The following RC3H2 variants were observed in gnomAD, a reference collection of about 807,000 sequenced individuals.
The protein encoded by RC3H2 is ring finger and CCCH-type domains 2.
In RC3H2, 31 loss-of-function variants were observed where a neutral mutation model predicts 133.3. That is an observed-to-expected ratio of 0.23 (90% CI 0.17 to 0.31). RC3H2 has a LOEUF of 0.31. Among genes scored for constraint, RC3H2 ranks in the 10% least tolerant of loss-of-function variants. RC3H2 has a pLI of 1.00. For synonymous variants in RC3H2, 517 were observed against 502.2 expected, an observed-to-expected ratio of 1.03 and a Z score of -0.40; for missense variants, 1,175 against 1,437.2, an observed-to-expected ratio of 0.82 and a Z score of 2.95.
Position 122,883,738 on chromosome 9 carries a change from T to C in RC3H2, c.584-359A>G, listed in dbSNP as rs534118598. ...GTTCATGCCTGTAAATCCCAGCACG[T>C]TGAGAGGCCGAGGCAGGACGACTGT... On this transcript the variant is annotated intron_variant, in intron 4 of 20. Coordinates refer to ENST00000357244, the MANE Select transcript of RC3H2 (RefSeq NM_001100588.3). Among the ~76,000 whole-genome samples the C allele has an allele frequency of 6.6e-5, 10 of 152,184 alleles. No individual in the cohort carries two copies. In the South Asian group the frequency reaches 1.2e-3, roughly 19 times the overall value.
chr9:122,859,252 C>CTTTTTTTTTTTTTTTTTTTTTTTTTTTT (rs10608695), intron 11 of RC3H2, 150 bp from the exon 12 acceptor site: 1 of 179,744 alleles, frequency 5.6e-6, no homozygotes, highest in African/African-American at 4.9e-5. Flanking sequence ...TATACCCTGG[C>CTTTTTTTTTTTTTTTTTTTTTTTTTTTT]TTTTTTTTTT....
At chr9:122,893,878 C>A (rs571913272) in intron 2 of RC3H2, among the ~76,000 whole-genome samples, 6 of 152,156 alleles carry the variant, frequency 3.9e-5, no homozygotes, top group Non-Finnish European at 8.8e-5. Context: ...CTATGAATGA[C>A]CTTGAGTAAA....
At chr9:122,855,591 G>A in intron 14 of RC3H2, 141 bp downstream of exon 14, 1 of 1,005,012 alleles carries the variant, frequency 1.0e-6, no homozygotes, top group Non-Finnish European at 1.4e-6. Flanking sequence ...ATTTATTTCA[G>A]ACTTACCTAA....
At chr9:122,853,083 T>C (rs1008252633) in intron 18 of RC3H2, among the ~76,000 whole-genome samples, 16 of 152,262 alleles carry the variant, frequency 1.1e-4, no homozygotes, top group South Asian at 6.2e-4. Context: ...TGACCTTACC[T>C]CCAACCCTGT....
At chr9:122,869,382 T>TA (rs1237885051) in intron 9 of RC3H2, among the ~76,000 whole-genome samples, 2 of 152,208 alleles carry the variant, frequency 1.3e-5, no homozygotes, top group Non-Finnish European at 2.9e-5. Flanking sequence ...GTTTCCCTTT[T>TA]AGTCCTCTGG....
chr9:122,859,250 G>T (rs1440514499), intron 11 of RC3H2, 148 bp from the exon 12 acceptor site: 19 of 330,454 alleles, frequency 5.7e-5, no homozygotes, highest in South Asian at 1.6e-4. Flanking sequence ...TTTATACCCT[G>T]GCTTTTTTTT....
At chr9:122,853,394 A>AAAG (rs1554767395) in intron 18 of RC3H2, among the ~76,000 whole-genome samples, 2 of 150,824 alleles carry the variant, frequency 1.3e-5, no homozygotes, top group Non-Finnish European at 2.9e-5. Context: ...AAAAAAAAAA[A>AAAG]AAAGAAAAAT....
rs575325233 is a variant in RC3H2 at position 122,851,622 on chromosome 9, G to C, written c.3118-186C>G. Reference sequence around the variant, plus strand: ...CCTGATTCTCCTGCCTCAGCCTGCAGAGTGCCTGCAATTGCAGGCGCGCGC... The same window carrying C: ...CCTGATTCTCCTGCCTCAGCCTGCACAGTGCCTGCAATTGCAGGCGCGCGC... On this transcript the variant is annotated intron_variant, in intron 18 of 20. Coordinates refer to ENST00000357244, the MANE Select transcript of RC3H2 (RefSeq NM_001100588.3). 189 of 767,248 alleles carry C rather than the reference G, an allele frequency of 2.5e-4. 1 individual carries two copies. Among genetic ancestry groups the C allele is most frequent in the Middle Eastern group, 1.6e-3 (4 of 2,454 alleles). 47.5% of individuals were successfully genotyped at this position (767,248 alleles called of 1,614,324 possible).
chr9:122,902,831 A>T (rs1236279828), intron 1 of RC3H2, among the ~76,000 whole-genome samples: 1 of 149,794 alleles, frequency 6.7e-6, no homozygotes, highest in East Asian at 2.0e-4. Flanking sequence ...AGCATGGGTG[A>T]TAGAGAGAGA....
In RC3H2 at chr9:122,865,462, G is replaced by A; in HGVS notation, c.1521C>T (p.Ile507=). The change falls in exon 10 of 21, where the codon ATC becomes ATT. Residue 507 remains isoleucine, a synonymous_variant. Coordinates refer to ENST00000357244, the MANE Select transcript of RC3H2 (RefSeq NM_001100588.3). ...SNAENSVSQL[I]SRSTDSTLRA... is the part of the protein sequence containing the mutation. Reference sequence around the variant, plus strand: ...TTAAGGTACTGTCAGTACTACGTGAGATTAGCTGGGAAACACTGTTTTCTG... The same window carrying A: ...TTAAGGTACTGTCAGTACTACGTGAAATTAGCTGGGAAACACTGTTTTCTG... 1.2e-6 allele frequency: 2 copies of A among 1,614,180 alleles called. No individual in the cohort carries two copies. Among genetic ancestry groups the A allele is most frequent in the Non-Finnish European group, 1.7e-6 (2 of 1,180,022 alleles).
At chr9:122,880,540 T>C (rs1489784987) in intron 6 of RC3H2, 54 bp downstream of exon 6, 25 of 1,355,110 alleles carry the variant, frequency 1.8e-5, no homozygotes, top group South Asian at 2.3e-5. Flanking sequence ...AATATTCTAA[T>C]ACTCTTCAAT....
At position 122,876,542 on chromosome 9, in the gene RC3H2, C is replaced by T. The variant is rs537394874; in HGVS notation, c.1325+929G>A. Among the ~76,000 whole-genome samples the T allele has an allele frequency of 2.6e-4, 39 of 151,280 alleles. No individual in the cohort carries two copies. In the Middle Eastern group the frequency reaches 0.01, roughly 40 times the overall value. The stretch of plus-strand genomic sequence containing the variant: ...ACTCGGGAGGCTGAGGCAGGAGTAT[C>T]GTTTGAACAGGGGAGGCAGAGGTTG... On this transcript the variant is annotated intron_variant, in intron 9 of 20. Transcript: ENST00000357244.
chr9:122,868,006 C>T (rs1247856390), intron 9 of RC3H2, among the ~76,000 whole-genome samples: 2 of 100,780 alleles, frequency 2.0e-5, no homozygotes, highest in East Asian at 2.9e-4. Context: ...CTCTGCCCAG[C>T]CACCCCTACT....
intron 4 of RC3H2, among the ~76,000 whole-genome samples, chr9:122,884,778 G>A (rs1441553795): frequency 2.0e-5 from 3 of 151,788 alleles, no homozygotes; most frequent in African/African-American, 4.8e-5. Context: ...CCTTGAACCC[G>A]GGAGGTGGAG....
rs543380371 is a variant in RC3H2, at chr9:122,900,775, C to T, written c.-67-3199G>A. Reference sequence around the variant, plus strand: ...CTAAAAGGCCTACAACTCAAGATACCTAAAGTGATTCCTTAAGAAAAACAT... The same window carrying T: ...CTAAAAGGCCTACAACTCAAGATACTTAAAGTGATTCCTTAAGAAAAACAT... On this transcript the variant is annotated intron_variant, in intron 1 of 20. Transcript: ENST00000357244. 4.5e-4 allele frequency among the ~76,000 whole-genome samples: 68 copies of T among 152,190 alleles called. No homozygotes were observed. In the South Asian group the frequency reaches 4.6e-3, roughly 10 times the overall value.
At chr9:122,868,407 T>C (rs902697438) in intron 9 of RC3H2, among the ~76,000 whole-genome samples, 10 of 152,098 alleles carry the variant, frequency 6.6e-5, no homozygotes, top group Non-Finnish European at 1.5e-4. Flanking sequence ...AGAAAAATTC[T>C]TCTGCCTTGG....
chr9:122,880,413 C>T, intron 6 of RC3H2, 181 bp downstream of exon 6: 1 of 669,628 alleles, frequency 1.5e-6, no homozygotes, highest in Non-Finnish European at 2.5e-6. Context: ...TATTTGTTTC[C>T]CTGTTGCATC....
chr9:122,858,364 T>G (rs1402951022), intron 12 of RC3H2, among the ~76,000 whole-genome samples: 1 of 152,248 alleles, frequency 6.6e-6, no homozygotes, highest in Non-Finnish European at 1.5e-5. Context: ...TAACCTTGTA[T>G]TTTTAAGATT....
intron 4 of RC3H2, among the ~76,000 whole-genome samples, chr9:122,889,605 C>G (rs1172881998): frequency 6.6e-6 from 1 of 151,988 alleles, no homozygotes; most frequent in East Asian, 1.9e-4. Context: ...ACATAGATAA[C>G]ACTAATCATA....
Sources: allele counts gnomAD v4.1 joint callset (sites outside exome capture counted in the v4.1 genomes callset), GRCh38; gene constraint gnomAD v4.1.1; transcripts MANE v1.5; gene names NCBI Gene and HGNC (gene_info 2026-07-23, HGNC 2026-07-21).